Variants in SLC8A1 observed in about 807,000 individuals in gnomAD.
SLC8A1 encodes the protein sodium/calcium exchanger 1.
SLC8A1 carries 18 observed loss-of-function variants against 68.3 expected under a neutral mutation model. That is an observed-to-expected ratio of 0.26 (90% CI 0.18 to 0.39). SLC8A1 has a LOEUF of 0.39. Ranked by LOEUF, SLC8A1 falls within the 10% of genes least tolerant of loss-of-function variation. The pLI is 1.00. For synonymous variants in SLC8A1, 475 were observed against 415.5 expected, an observed-to-expected ratio of 1.14 and a Z score of -1.74; for missense variants, 985 against 1,156.7, an observed-to-expected ratio of 0.85 and a Z score of 2.15.
At chr2:40,476,801 T>A (rs771623446) in intron 1 of SLC8A1, among the ~76,000 whole-genome samples, 1 of 152,286 alleles carries the variant, frequency 6.6e-6, no homozygotes, top group Middle Eastern at 3.4e-3. Context: ...TCCAATTTTA[T>A]GAGAGTGCAA....
intron 4 of SLC8A1, 26 bp from the exon 6 acceptor site, chr2:40,174,746 GA>G: frequency 1.3e-6 from 2 of 1,568,602 alleles, no homozygotes. Context: ...ATAAAAATGA[GA>G]AATTTTTTTT....
chr2:40,222,241 T>A (rs977722010), intron 2 of SLC8A1, among the ~76,000 whole-genome samples: 21 of 152,258 alleles, frequency 1.4e-4, no homozygotes, highest in Middle Eastern at 3.4e-3. Context: ...AACCATCTGA[T>A]CTTTGACAAA....
rs114498789 is a variant in SLC8A1 at position 40,485,675 on chromosome 2, T to G, written c.-25+26674A>C. ...CTAAAAATGGAATACTCTTAAATAT[T>G]TTATTCATTGATAAAACTCTTGCCT... On this transcript the variant is annotated intron_variant, in intron 1 of 7. Coordinates refer to the SLC8A1 transcript ENST00000402441. Among the ~76,000 whole-genome samples the G allele has an allele frequency of 3.7e-3, 557 of 152,322 alleles. 4 individuals are homozygous for G. Among genetic ancestry groups the G allele is most frequent in the African/African-American group, 0.013 (528 of 41,578 alleles).
intron 2 of SLC8A1, among the ~76,000 whole-genome samples, chr2:40,179,233 G>T (rs535272889): frequency 6.6e-6 from 1 of 152,290 alleles, no homozygotes; most frequent in South Asian, 2.1e-4. Flanking sequence ...TCATGATGTT[G>T]TAGTTATTTT....
chr2:40,126,938 C>T lies in SLC8A1; in HGVS notation c.2438-11309G>A, dbSNP rs73927116. On this transcript the variant is annotated intron_variant, in intron 7 of 7. Transcript: ENST00000406785. ...GGCTCCTTAAGTATCTGAGAATGAA[C>T]GAAAAGAAATGCAGAATGGCTTGAA... 4.1e-3 allele frequency among the ~76,000 whole-genome samples: 617 copies of T among 152,288 alleles called. 4 individuals carry two copies. Among genetic ancestry groups the T allele is most frequent in the African/African-American group, 0.014 (576 of 41,552 alleles).
At chr2:40,141,811 C>A (rs1278713972) in intron 6 of SLC8A1, among the ~76,000 whole-genome samples, 5 of 152,100 alleles carry the variant, frequency 3.3e-5, no homozygotes, top group Non-Finnish European at 7.4e-5. Flanking sequence ...AGTTCTAACC[C>A]AATATGACTG....
intron 7 of SLC8A1, among the ~76,000 whole-genome samples, chr2:40,118,684 C>T (rs1475397445): frequency 8.1e-6 from 1 of 123,300 alleles, no homozygotes; most frequent in Non-Finnish European, 1.6e-5. Flanking sequence ...AAGTCTGAGG[C>T]AGGAGAAAGC....
At chr2:40,184,373 G>T (rs1573724202) in intron 2 of SLC8A1, among the ~76,000 whole-genome samples, 1 of 152,110 alleles carries the variant, frequency 6.6e-6, no homozygotes, top group East Asian at 1.9e-4. Flanking sequence ...AACATGGGAA[G>T]ATCATTTTGT....
At chr2:40,317,289 G>A (rs949728531) in intron 2 of SLC8A1, among the ~76,000 whole-genome samples, 2 of 151,952 alleles carry the variant, frequency 1.3e-5, no homozygotes, top group African/African-American at 4.8e-5. Flanking sequence ...TTGATGCAAG[G>A]CAGTGGTAAT....
At chr2:40,370,297 G>T (rs576391199) in intron 2 of SLC8A1, among the ~76,000 whole-genome samples, 9 of 152,180 alleles carry the variant, frequency 5.9e-5, no homozygotes, top group Admixed American at 1.3e-4. Flanking sequence ...ACTAAACAGG[G>T]TACAGGACAC....
intron 2 of SLC8A1, among the ~76,000 whole-genome samples, chr2:40,269,101 A>G (rs1320520194): frequency 1.3e-5 from 2 of 152,210 alleles, no homozygotes; most frequent in Non-Finnish European, 2.9e-5. Context: ...GGTGTTAAAA[A>G]GTAGTGAGTG....
intron 2 of SLC8A1, among the ~76,000 whole-genome samples, chr2:40,215,399 A>T (rs2057304095): frequency 6.6e-6 from 1 of 152,052 alleles, no homozygotes; most frequent in Non-Finnish European, 1.5e-5. Context: ...GCACTTTGGG[A>T]GGCCGAGGCG....
intron 2 of SLC8A1, among the ~76,000 whole-genome samples, chr2:40,424,719 A>AACTTGCAT (rs1468823808): frequency 7.9e-5 from 12 of 151,808 alleles, no homozygotes; most frequent in Non-Finnish European, 1.5e-4. Context: ...TAAATAATCT[A>AACTTGCAT]ACTTGCATAC....
At chr2:40,495,758 G>C (rs73926221) in intron 1 of SLC8A1, among the ~76,000 whole-genome samples, 2,569 of 152,158 alleles carry the variant, frequency 0.017, 68 homozygotes, top group African/African-American at 0.057. Context: ...TCTTGTGACA[G>C]GATTGGAACT....
chr2:40,340,983 C>A (rs2149407189), intron 2 of SLC8A1, among the ~76,000 whole-genome samples: 1 of 152,264 alleles, frequency 6.6e-6, no homozygotes, highest in South Asian at 2.1e-4. Flanking sequence ...CATTTCATAT[C>A]CTACTATGAA....
At position 40,237,088 on chromosome 2, in the gene SLC8A1, G is replaced by T. The variant is rs571501239; in HGVS notation, c.1809-59233C>A. On this transcript the variant is annotated intron_variant, in intron 2 of 7. Transcript: ENST00000406785. ...GAATCTGACAATTATGTGTCTTGGAGTTGCTCTTCTCGAGGAGTATCTTTG... is the reference window on the plus strand; with the variant it reads ...GAATCTGACAATTATGTGTCTTGGATTTGCTCTTCTCGAGGAGTATCTTTG... Among the ~76,000 whole-genome samples, 430 of 151,698 alleles carry T rather than the reference G, an allele frequency of 2.8e-3. 2 individuals are homozygous for T. Among genetic ancestry groups the T allele is most frequent in the African/African-American group, 9.5e-3 (391 of 41,366 alleles).
At chr2:40,452,051 C>A (rs1285705444) in exon 1 of SLC8A1, 1 of 151,034 alleles carries the variant, frequency 6.6e-6, no homozygotes, top group African/African-American at 2.4e-5. Flanking sequence ...CGGCGGCGGG[C>A]TGACTACCGT....
intron 2 of SLC8A1, among the ~76,000 whole-genome samples, chr2:40,272,147 C>T (rs909863742): frequency 6.6e-6 from 1 of 152,176 alleles, no homozygotes; most frequent in East Asian, 1.9e-4. Context: ...GAGATTACAA[C>T]ATGAGCCACT....
chr2:40,455,036 G>A (rs536773949), upstream of SLC8A1, among the ~76,000 whole-genome samples: 17 of 152,272 alleles, frequency 1.1e-4, 1 homozygote, highest in African/African-American at 3.4e-4. Flanking sequence ...AAGAGTCACC[G>A]GGTCTCCACT....
Sources: gnomAD v4.1 joint callset for allele counts (sites outside exome capture counted in the v4.1 genomes callset) on GRCh38, gnomAD v4.1.1 for gene constraint, MANE v1.5 for transcripts, NCBI Gene and HGNC (gene_info 2026-07-23, HGNC 2026-07-21) for gene names.